The following IQCH variants were observed in gnomAD, a reference collection of about 807,000 sequenced individuals.
IQCH encodes IQ domain-containing protein H.
In IQCH, 98 loss-of-function variants were observed where a neutral mutation model predicts 117.0. The ratio of observed to expected loss-of-function variants is 0.84; its 90% confidence interval spans 0.71 to 0.99. The LOEUF (loss-of-function observed/expected upper bound fraction) is 0.99. IQCH is among the 50% of genes least tolerant of loss of function. The pLI is 0.00. For missense variants in IQCH, 1,102 were observed against 1,243.8 expected, an observed-to-expected ratio of 0.89 and a Z score of 1.72; for synonymous variants, 412 against 448.2, an observed-to-expected ratio of 0.92 and a Z score of 1.02.
intron 6 of IQCH, among the ~76,000 whole-genome samples, chr15:67,349,565 G>A (rs570761939): frequency 1.1e-3 from 152 of 132,234 alleles, no homozygotes; most frequent in Non-Finnish European, 1.2e-3. Flanking sequence ...CCGAGATTGC[G>A]CCATTGCTCC....
At chr15:67,450,278 A>G (rs889509019) in intron 16 of IQCH, among the ~76,000 whole-genome samples, 3 of 152,020 alleles carry the variant, frequency 2.0e-5, no homozygotes, top group African/African-American at 7.3e-5. Context: ...GAGTGGTGAG[A>G]GGGGGCATCC....
At chr15:67,323,520 G>A (rs1334014920) in intron 4 of IQCH, among the ~76,000 whole-genome samples, 3 of 152,082 alleles carry the variant, frequency 2.0e-5, no homozygotes, top group Admixed American at 6.5e-5. Context: ...GGGATTACAG[G>A]TGTGAGCCAC....
At chr15:67,331,650 C>T in intron 4 of IQCH, among the ~76,000 whole-genome samples, 1 of 152,148 alleles carries the variant, frequency 6.6e-6, no homozygotes, top group Non-Finnish European at 1.5e-5. Flanking sequence ...TAGTGTATTT[C>T]TCATTCTCAA....
In IQCH at chr15:67,403,107, G is replaced by A. The variant is rs1452399254; in HGVS notation, c.2097+2802G>A. On this transcript the variant is annotated intron_variant, in intron 14 of 20. Transcript: ENST00000335894. The surrounding 1 kb of genome is among the most constrained non-coding windows in gnomAD (Gnocchi z 4.8). ...TACTAAAAATACAAAAAAATTAGTCGGGGCTGGTGGTGCATGCCTGTAGTA... is the reference window on the plus strand; with the variant it reads ...TACTAAAAATACAAAAAAATTAGTCAGGGCTGGTGGTGCATGCCTGTAGTA... Among the ~76,000 whole-genome samples, 7 of 152,136 alleles carry A rather than the reference G, an allele frequency of 4.6e-5. No individual in the cohort carries two copies. In the East Asian group the frequency reaches 7.7e-4, roughly 17 times the overall value.
At chr15:67,324,036 C>T (rs190913800) in intron 4 of IQCH, among the ~76,000 whole-genome samples, 103 of 147,102 alleles carry the variant, frequency 7.0e-4, no homozygotes, top group African/African-American at 2.3e-3. Flanking sequence ...CTCCACCTCC[C>T]GGGCTCAAGT....
chr15:67,363,235 A>ATTTT (rs368949063), intron 8 of IQCH, among the ~76,000 whole-genome samples: 81 of 133,542 alleles, frequency 6.1e-4, no homozygotes, highest in African/African-American at 2.2e-3. Context: ...ACAAATCTTG[A>ATTTT]TTTTTTTTTT....
Position 67,311,511 on chromosome 15 carries a change from G to A in IQCH, c.388-25464G>A, listed in dbSNP as rs551992161. Among the ~76,000 whole-genome samples, 41 of 149,482 alleles carry A rather than the reference G, an allele frequency of 2.7e-4. No individual in the cohort carries two copies. The South Asian group carries it at 6.1e-3, about 22-fold the overall frequency. On this transcript the variant is annotated intron_variant, in intron 4 of 20. Transcript: ENST00000335894. Reference sequence around the variant, plus strand: ...CATCAAAACAGCCTTATTGTTTCCAGTGTTGGTTTATATTGCTATAACCAG... The same window carrying A: ...CATCAAAACAGCCTTATTGTTTCCAATGTTGGTTTATATTGCTATAACCAG...
At chr15:67,317,544 T>G (rs1967906987) in intron 4 of IQCH, among the ~76,000 whole-genome samples, 1 of 152,144 alleles carries the variant, frequency 6.6e-6, no homozygotes, top group Non-Finnish European at 1.5e-5. Flanking sequence ...CCAGCTCTTT[T>G]AAGGTAGAAT....
At chr15:67,334,126 AAAT>A (rs1241290695) in intron 4 of IQCH, among the ~76,000 whole-genome samples, 1 of 152,178 alleles carries the variant, frequency 6.6e-6, no homozygotes, top group Non-Finnish European at 1.5e-5. Context: ...CCAGTTGAGG[AAAT>A]AATAATGAGA....
chr15:67,266,374 C>T lies in IQCH; in HGVS notation c.269+3158C>T, dbSNP rs183149637. On this transcript the variant is annotated intron_variant, in intron 3 of 20. Transcript: ENST00000335894. ...AATTAATATCTCAAGACATCATACTCCGCTGGGTGCGGTGACTCACACCTG... is the reference window on the plus strand; with the variant it reads ...AATTAATATCTCAAGACATCATACTTCGCTGGGTGCGGTGACTCACACCTG... Among the ~76,000 whole-genome samples, 734 of 152,116 alleles carry T rather than the reference C, an allele frequency of 4.8e-3. 7 individuals are homozygous for T. The highest frequency in any genetic ancestry group is 0.016 in the African/African-American group (677 of 41,512).
Position 67,376,194 on chromosome 15 carries a change from T to C in IQCH, c.1372+2761T>C, listed in dbSNP as rs1390057268. Among the ~76,000 whole-genome samples the C allele has an allele frequency of 4.6e-5, 7 of 152,208 alleles. No homozygotes were observed. The highest frequency in any genetic ancestry group is 1.0e-4 in the Non-Finnish European group (7 of 68,030). On this transcript the variant is annotated intron_variant, in intron 10 of 20. Coordinates refer to ENST00000335894, the MANE Select transcript of IQCH (RefSeq NM_001031715.3). This position sits in a 1 kb window ranked among gnomAD's most constrained non-coding sequence, Gnocchi z 5.0. ...GAATTCTCAAACGATGTATATATTT[T>C]TAAGGATATAGGGTACCCTTTTTTT... is the stretch of plus-strand genomic sequence containing the variant.
At chr15:67,437,987 G>A (rs1208891286) in intron 16 of IQCH, among the ~76,000 whole-genome samples, 1 of 152,132 alleles carries the variant, frequency 6.6e-6, no homozygotes, top group Non-Finnish European at 1.5e-5. Flanking sequence ...GGGAATAATC[G>A]AGGAAAACTT....
In IQCH at chr15:67,457,273, A is replaced by T. The variant is rs1334796458; in HGVS notation, c.2506-7854A>T. 6.6e-6 allele frequency among the ~76,000 whole-genome samples: 1 copy of T among 152,258 alleles called. No individual in the cohort carries two copies. Among genetic ancestry groups the T allele is most frequent in the Non-Finnish European group, 1.5e-5 (1 of 68,046 alleles). On this transcript the variant is annotated intron_variant, in intron 16 of 20. Transcript: ENST00000335894. This position sits in a 1 kb window ranked among gnomAD's most constrained non-coding sequence, Gnocchi z 5.7. The stretch of plus-strand genomic sequence containing the variant: ...ATTGAAAATTCTTACAGTGGGGTGT[A>T]CCAACTCCTTTAAAATTAAGCATGA...
At chr15:67,418,480 C>T (rs1191996329) in intron 15 of IQCH, among the ~76,000 whole-genome samples, 1 of 141,080 alleles carries the variant, frequency 7.1e-6, no homozygotes, top group Non-Finnish European at 1.5e-5. Context: ...GAAAGTCAAC[C>T]CCATGCATAA....
chr15:67,489,207 G>T (rs543394006), intron 18 of IQCH, among the ~76,000 whole-genome samples: 1 of 151,256 alleles, frequency 6.6e-6, no homozygotes, highest in Non-Finnish European at 1.5e-5. Context: ...CTAATTTTTT[G>T]TATTTTTAGT....
At chr15:67,312,832 T>G (rs1275574772) in intron 4 of IQCH, among the ~76,000 whole-genome samples, 1 of 152,188 alleles carries the variant, frequency 6.6e-6, no homozygotes. Flanking sequence ...AATTATCTAC[T>G]GAGAGGTTCT....
At chr15:67,373,777 A>G in intron 10 of IQCH, 1 of 376,354 alleles carries the variant, frequency 2.7e-6, no homozygotes, top group Admixed American at 4.4e-5. Context: ...ACAGGCTTGT[A>G]TGTGTTGTTG....
rs2083332092 is a variant in IQCH, at chr15:67,481,319, A to G, written c.2799+5501A>G. ...TCAGGAAACTTACAATCATGGCGAA[A>G]GGGGAAGCAAACACATTCTTCTTCA... On this transcript the variant is annotated intron_variant, in intron 18 of 20. Coordinates refer to ENST00000335894, the MANE Select transcript of IQCH (RefSeq NM_001031715.3). This position sits in a 1 kb window ranked among gnomAD's most constrained non-coding sequence, Gnocchi z 4.1. 2.6e-5 allele frequency among the ~76,000 whole-genome samples: 4 copies of G among 152,272 alleles called. No individual in the cohort carries two copies. The South Asian group carries it at 8.3e-4, about 32-fold the overall frequency.
intron 6 of IQCH, among the ~76,000 whole-genome samples, chr15:67,355,450 C>T (rs1250373701): frequency 2.0e-5 from 3 of 151,882 alleles, no homozygotes; most frequent in Admixed American, 6.6e-5. Flanking sequence ...ATTAGCTGGG[C>T]GTGGTGGTGG....
Sources: gnomAD v4.1 joint callset for allele counts (sites outside exome capture counted in the v4.1 genomes callset) on GRCh38, gnomAD v4.1.1 for gene constraint, Gnocchi (gnomAD v3.1) non-coding constraint, MANE v1.5 for transcripts, NCBI Gene and HGNC (gene_info 2026-07-23, HGNC 2026-07-21) for gene names.